Variants in SANBR observed in about 807,000 individuals in gnomAD.
SANBR encodes the protein SANT and BTB domain regulator of CSR.
SANBR carries 77 observed loss-of-function variants against 101.8 expected under a neutral mutation model. The ratio of observed to expected loss-of-function variants is 0.76; its 90% confidence interval spans 0.63 to 0.91. The LOEUF is 0.91. Ranked by LOEUF, SANBR falls within the 40% of genes least tolerant of loss-of-function variation. The pLI, the probability that SANBR is intolerant of heterozygous loss-of-function variation, is 0.00. For missense variants in SANBR, 875 were observed against 853.0 expected (o/e 1.03, Z -0.32); for synonymous variants, 279 against 274.7 (o/e 1.02, Z -0.15).
chr2:61,099,181 G>A (rs1245401131), intron 12 of SANBR, among the ~76,000 whole-genome samples: 1 of 152,214 alleles, frequency 6.6e-6, no homozygotes, highest in Non-Finnish European at 1.5e-5. Context: ...GTCAGTCCAT[G>A]CAGGAGCAGG....
intron 16 of SANBR, among the ~76,000 whole-genome samples, chr2:61,114,794 C>T (rs1471344828): frequency 1.3e-5 from 2 of 152,098 alleles, no homozygotes; most frequent in East Asian, 3.9e-4. Context: ...TAGCTGGGAC[C>T]ACAGGTGTGC....
intron 3 of SANBR, 55 bp from the exon 4 acceptor site, chr2:61,071,549 CAA>C (rs200693095): frequency 0.015 from 13,913 of 915,196 alleles, no homozygotes; most frequent in South Asian, 0.025. Flanking sequence ...GACTCCGTCT[CAA>C]AAAAAAAAAA....
chr2:61,134,381 C>T, intron 21 of SANBR: 3 of 1,142,766 alleles, frequency 2.6e-6, no homozygotes, highest in Non-Finnish European at 3.6e-6. Context: ...CACGTTATTC[C>T]CCCACCTAGA....
chr2:61,130,642 GT>G (rs993248466), intron 20 of SANBR, among the ~76,000 whole-genome samples: 17 of 150,244 alleles, frequency 1.1e-4, no homozygotes, highest in East Asian at 2.0e-4. Flanking sequence ...TATCAATATA[GT>G]TTTTTTTTTT....
At position 61,070,464 on chromosome 2, in the gene SANBR, T is replaced by C. The variant is rs1681401604; in HGVS notation, c.114T>C (p.Thr38=). The C allele has an allele frequency of 6.2e-7, 1 of 1,603,114 alleles. No individual in the cohort carries two copies. The highest frequency in any genetic ancestry group is 1.3e-5 in the African/African-American group (1 of 74,122). The stretch of plus-strand genomic sequence containing the variant: ...TCCCTCAGACTATCAACTGGGAAAC[T>C]ATAGCAAGGCTCGTGCCTGGATTAA... ...IGIPQTINWE[T]IARLVPGLTP... Residue 38 remains threonine, a synonymous_variant, in exon 3 of 22, where the codon ACT becomes ACC. Coordinates refer to ENST00000402291, the MANE Select transcript of SANBR (RefSeq NM_001129993.3).
chr2:61,092,732 G>A (rs1682830725), intron 11 of SANBR, 145 bp downstream of exon 11: 1 of 631,362 alleles, frequency 1.6e-6, no homozygotes, highest in Admixed American at 3.8e-5. Flanking sequence ...TGGGCATGGT[G>A]GCTCGTGCCT....
At position 61,134,329 on chromosome 2, in the gene SANBR, A is replaced by G. The variant is rs17006271; in HGVS notation, c.*44+53A>G. 1.9e-3 allele frequency: 2,795 copies of G among 1,495,592 alleles called. 49 individuals carry two copies. The African/African-American group carries it at 0.036, about 19-fold the overall frequency. 92.6% of individuals were successfully genotyped at this position (1,495,592 alleles called of 1,614,324 possible). A position where few individuals can be genotyped will look rare whatever the true frequency, so the allele number is the denominator to read the frequency against. On this transcript the variant is annotated intron_variant, in intron 21 of 21. Transcript: ENST00000295031. ...TTAGTAGACCACATGAAAGACTTTTAGAAATAACTGTATTGTGCTTATTCC... is the reference window on the plus strand; with the variant it reads ...TTAGTAGACCACATGAAAGACTTTTGGAAATAACTGTATTGTGCTTATTCC...
In SANBR at chr2:61,088,438, G is replaced by C; in HGVS notation, c.1058G>C (p.Arg353Pro). The change falls in exon 10 of 22, where the codon CGA (arginine) becomes CCA (proline). Residue 353 changes from arginine to proline, a missense_variant. By Grantham distance (103) the Arg-to-Pro change is moderately radical. Transcript: ENST00000402291. ...ATTCCTGGAAAAATCAATGTGGATCGACGTGGAAATATTGTCTATATTCAC... is the reference window on the plus strand; with the variant it reads ...ATTCCTGGAAAAATCAATGTGGATCCACGTGGAAATATTGTCTATATTCAC... ...PCIPGKINVD[R>P]RGNIVYIHIR... 1 of 1,608,240 alleles carries C rather than the reference G, an allele frequency of 6.2e-7. No homozygotes were observed. The highest frequency in any genetic ancestry group is 8.5e-7 in the Non-Finnish European group (1 of 1,177,334).
intron 14 of SANBR, among the ~76,000 whole-genome samples, chr2:61,107,746 C>T (rs1299051121): frequency 6.6e-6 from 1 of 152,042 alleles, no homozygotes. Context: ...TTTAGCTGGG[C>T]GCAGTGGCAT....
At chr2:61,129,885 C>T (rs901732002) in intron 20 of SANBR, among the ~76,000 whole-genome samples, 10 of 151,816 alleles carry the variant, frequency 6.6e-5, no homozygotes, top group South Asian at 2.1e-4. Context: ...CCATTTTCTT[C>T]CCTCAGCTTT....
At position 61,097,761 on chromosome 2, in the gene SANBR, C is replaced by T; in HGVS notation, c.1274C>T (p.Thr425Ile). 6.2e-7 allele frequency: 1 copy of T among 1,612,648 alleles called. No individual in the cohort carries two copies. The highest frequency in any genetic ancestry group is 1.3e-5 in the African/African-American group (1 of 75,014). The change falls in exon 12 of 22, where the codon ACT becomes ATT. Residue 425 changes from threonine (T) to isoleucine (I), a missense_variant. By Grantham distance (89) the Thr-to-Ile change is moderately conservative (BLOSUM62 -1). Coordinates refer to ENST00000402291, the MANE Select transcript of SANBR (RefSeq NM_001129993.3). ...CACTCAGAAACAGTGGTTTATCCTA[C>T]TGCAGCAAGTTCATTGAATACTGTT... ...QYHSETVVYP[T>I]AASSLNTVGT...
intron 20 of SANBR, among the ~76,000 whole-genome samples, chr2:61,130,509 A>T (rs1684654486): frequency 6.6e-6 from 1 of 152,194 alleles, no homozygotes; most frequent in African/African-American, 2.4e-5. Flanking sequence ...TAGATGCAAA[A>T]ATCCTCAACA....
At chr2:61,135,587 C>T (rs1395085581) in intron 21 of SANBR, among the ~76,000 whole-genome samples, 1 of 152,116 alleles carries the variant, frequency 6.6e-6, no homozygotes, top group Non-Finnish European at 1.5e-5. Flanking sequence ...ACACTGTAAG[C>T]CACAGCTAGA....
chr2:61,129,826 A>G (rs1325838207), intron 20 of SANBR, among the ~76,000 whole-genome samples: 3 of 152,130 alleles, frequency 2.0e-5, no homozygotes, highest in Non-Finnish European at 4.4e-5. Context: ...AATAAAAGCT[A>G]TAAATATATA....
intron 20 of SANBR, among the ~76,000 whole-genome samples, chr2:61,120,946 G>A (rs1002385894): frequency 1.5e-4 from 23 of 152,192 alleles, no homozygotes; most frequent in African/African-American, 4.8e-4. Flanking sequence ...TCTTGGGGGT[G>A]ATAGGACTAT....
intron 12 of SANBR, among the ~76,000 whole-genome samples, chr2:61,103,460 C>T (rs764719009): frequency 6.6e-6 from 1 of 152,126 alleles, no homozygotes. Flanking sequence ...TCAAACAAAA[C>T]AAGTGAGACT....
In SANBR at chr2:61,077,152, A is replaced by G. The variant is rs1340588541; in HGVS notation, c.664A>G (p.Thr222Ala). 1.8e-5 allele frequency: 29 copies of G among 1,588,486 alleles called. No homozygotes were observed. Among genetic ancestry groups the G allele is most frequent in the Non-Finnish European group, 2.2e-5 (25 of 1,158,406 alleles). ...GGAGAATAAAGATTGTGAGATGCCC[A>G]CTTTAGGTAAAAAACAATCTGTTGC... ...TKENKDCEMP[T>A]LEPGNVISIL... Residue 222 changes from threonine to alanine, a missense_variant, in exon 6 of 22, where the codon ACT becomes GCT. Transcript: ENST00000402291.
intron 6 of SANBR, among the ~76,000 whole-genome samples, chr2:61,077,388 C>T (rs10196118): frequency 0.02 from 3,048 of 152,072 alleles, 111 homozygotes; most frequent in African/African-American, 0.069. Context: ...GTGTATGGAC[C>T]AGTGGGATAC....
At chr2:61,095,349 G>C (rs1248372808) in intron 11 of SANBR, among the ~76,000 whole-genome samples, 1 of 152,110 alleles carries the variant, frequency 6.6e-6, no homozygotes, top group Non-Finnish European at 1.5e-5. Context: ...TTGTATATAA[G>C]AGAACGTGCA....
Sources: gnomAD v4.1 joint callset for allele counts (sites outside exome capture counted in the v4.1 genomes callset) on GRCh38, gnomAD v4.1.1 for gene constraint, MANE v1.5 for transcripts, NCBI Gene and HGNC (gene_info 2026-07-23, HGNC 2026-07-21) for gene names.